The following FANCD2OS variants were observed in gnomAD, a reference collection of about 807,000 sequenced individuals.
The protein encoded by FANCD2OS is FANCD2 opposite strand protein.
A neutral mutation model predicts 13.2 loss-of-function variants in FANCD2OS; 11 were observed. That is an observed-to-expected ratio of 0.83 (90% CI 0.52 to 1.38). FANCD2OS has a LOEUF of 1.38. Among genes scored for constraint, FANCD2OS ranks in the 40% most tolerant of loss-of-function variants. The pLI is 0.00. For synonymous variants in FANCD2OS, 69 were observed against 84.5 expected (o/e 0.82, Z 1.01); for missense variants, 217 against 213.9 (o/e 1.01, Z -0.09).
Position 10,104,621 on chromosome 3 carries a change from A to C in FANCD2OS, c.154T>G (p.Phe52Val). The C allele has an allele frequency of 6.2e-7, 1 of 1,614,182 alleles. No homozygotes were observed. Among genetic ancestry groups the C allele is most frequent in the Non-Finnish European group, 8.5e-7 (1 of 1,180,032 alleles). Residue 52 changes from phenylalanine to valine, a missense_variant, in exon 2 of 2, where the codon TTT becomes GTT. Physicochemically the swap from Phe to Val is conservative, Grantham distance 50. Transcript: ENST00000450660. ...TCTAGGACTAGAGTGACCTCTTGAA[A>C]GCACAGCTGCACTTCAAGGTCGGAC... is the stretch of plus-strand genomic sequence containing the variant. ...TPSDLEVQLCFQEVTLVLDSP... is the reference protein window; with the variant it reads ...TPSDLEVQLCVQEVTLVLDSP...
At chr3:10,099,996 G>C (rs1296870310), downstream of FANCD2OS, among the ~76,000 whole-genome samples, 2 of 152,010 alleles carry the variant, frequency 1.3e-5, no homozygotes, top group African/African-American at 4.8e-5. Context: ...AGAATTTCAA[G>C]ACCAACCCGA....
At chr3:10,085,945 A>T in intron 2 of FANCD2OS, 1 of 1,507,854 alleles carries the variant, frequency 6.6e-7, no homozygotes, top group South Asian at 1.1e-5. Flanking sequence ...TACATAGCCA[A>T]GATTGTTGTC....
intron 2 of FANCD2OS, chr3:10,090,437 T>C (rs776029741): frequency 1.5e-5 from 14 of 941,220 alleles, no homozygotes; most frequent in Non-Finnish European, 2.2e-5. Flanking sequence ...TACTTGGAAG[T>C]TGCTGATTTT....
downstream of FANCD2OS, chr3:10,101,135 G>A: frequency 4.4e-6 from 6 of 1,353,266 alleles, no homozygotes; most frequent in Middle Eastern, 1.8e-4. Context: ...TATTCCAGAG[G>A]TCACCCAGAG....
At position 10,081,366 on chromosome 3, in the gene FANCD2OS, C is replaced by T. The variant is rs552885346; in HGVS notation, c.*209G>A. ...TTTAGTGTTTAGCTGCTGAGAATCACGGTGTAGTTGATGGACCAGGAGTGA... is the reference window on the plus strand; with the variant it reads ...TTTAGTGTTTAGCTGCTGAGAATCATGGTGTAGTTGATGGACCAGGAGTGA... On this transcript the variant is annotated 3_prime_UTR_variant, in exon 3 of 3. Transcript: ENST00000524279. 2.0e-5 allele frequency: 32 copies of T among 1,613,714 alleles called. No individual in the cohort carries two copies. The East Asian group carries it at 2.0e-4, about 10-fold the overall frequency.
Position 10,105,766 on chromosome 3 carries a change from AAAAAATTAT to A in FANCD2OS, c.-8-993_-8-985del, listed in dbSNP as rs1389954246. Among the ~76,000 whole-genome samples the A allele has an allele frequency of 1.4e-3, 85 of 58,690 alleles. 7 individuals are homozygous for A. Among genetic ancestry groups the A allele is most frequent in the African/African-American group, 9.7e-3 (79 of 8,180 alleles). The allele number at this position is 58,690 out of a possible 152,430, so 38.5% of individuals were successfully genotyped here. On this transcript the variant is annotated intron_variant, in intron 1 of 1. Transcript: ENST00000450660. ...ACTCCATCTAAAAAAAAAAAAAAAAAAAAAATTATATATATATATATATATATATATATA... is the reference window on the plus strand; with the variant it reads ...ACTCCATCTAAAAAAAAAAAAAAAAAATATATATATATATATATATATATA...
intron 2 of FANCD2OS, chr3:10,092,376 C>G: frequency 2.5e-6 from 2 of 799,570 alleles, no homozygotes; most frequent in Non-Finnish European, 4.4e-6. Context: ...CTCCCTGAGT[C>G]GTCTTCTTCC....
intron 2 of FANCD2OS, among the ~76,000 whole-genome samples, chr3:10,095,958 T>G (rs533281809): frequency 6.6e-6 from 1 of 150,546 alleles, no homozygotes; most frequent in South Asian, 2.1e-4. Flanking sequence ...CTCTGCTCAC[T>G]GCAAGTTCCG....
chr3:10,105,938 A>T (rs1227481809), intron 1 of FANCD2OS, among the ~76,000 whole-genome samples: 1 of 150,996 alleles, frequency 6.6e-6, no homozygotes. Context: ...TCCACGTGGG[A>T]CCCAGCAATC....
chr3:10,081,700 T>C (rs1461936301), intron 2 of FANCD2OS, among the ~76,000 whole-genome samples: 1 of 152,208 alleles, frequency 6.6e-6, no homozygotes, highest in African/African-American at 2.4e-5. Context: ...GCTGATGAGC[T>C]GATAACAGAT....
At chr3:10,107,537 C>G (rs1305746987) in intron 1 of FANCD2OS, among the ~76,000 whole-genome samples, 1 of 151,940 alleles carries the variant, frequency 6.6e-6, no homozygotes, top group Non-Finnish European at 1.5e-5. Context: ...CCGCCCGTCT[C>G]GGCCTCCCAA....
intron 2 of FANCD2OS, among the ~76,000 whole-genome samples, chr3:10,090,896 G>GGT (rs1438258043): frequency 6.6e-6 from 1 of 151,558 alleles, no homozygotes; most frequent in Non-Finnish European, 1.5e-5. Context: ...TCTAGTTAGA[G>GGT]GTGAGGAATG....
chr3:10,081,463 T>G, exon 3 of FANCD2OS: 2 of 1,601,346 alleles, frequency 1.2e-6, no homozygotes, highest in Non-Finnish European at 1.7e-6. Context: ...GCTTTTTGCT[T>G]GGTAAGTATG....
intron 2 of FANCD2OS, among the ~76,000 whole-genome samples, chr3:10,091,498 A>T (rs1292533160): frequency 6.6e-6 from 1 of 151,902 alleles, no homozygotes. Context: ...GAAAAAACAT[A>T]TACCGGCTGT....
chr3:10,085,443 G>A (rs1694129366), intron 2 of FANCD2OS, among the ~76,000 whole-genome samples: 2 of 148,288 alleles, frequency 1.3e-5, no homozygotes, highest in South Asian at 4.2e-4. Flanking sequence ...CCAGGCTGGA[G>A]TGCAGTGGCA....
At chr3:10,099,444 A>G, downstream of FANCD2OS, 1 of 549,296 alleles carries the variant, frequency 1.8e-6, no homozygotes, top group African/African-American at 2.0e-5. Context: ...ACAACATAAC[A>G]AGACCCTATC....
At chr3:10,099,047 G>T, downstream of FANCD2OS, 1 of 1,597,752 alleles carries the variant, frequency 6.3e-7, no homozygotes, top group South Asian at 1.1e-5. Context: ...ATTTGTTATA[G>T]AGTTGACAAT....
downstream of FANCD2OS, chr3:10,098,834 C>T: frequency 1.9e-6 from 3 of 1,614,162 alleles, no homozygotes; most frequent in Non-Finnish European, 2.5e-6. Flanking sequence ...ACAAAACCCA[C>T]CAGAGTCTGG....
chr3:10,102,816 C>G (rs1695355134), downstream of FANCD2OS: 1 of 165,848 alleles, frequency 6.0e-6, no homozygotes, highest in African/African-American at 2.6e-5. Flanking sequence ...GCACTCCAGC[C>G]TGGGCAACAG....
Sources: allele counts gnomAD v4.1 joint callset (sites outside exome capture counted in the v4.1 genomes callset), GRCh38; gene constraint gnomAD v4.1.1; transcripts MANE v1.5; gene names NCBI Gene and HGNC (gene_info 2026-07-23, HGNC 2026-07-21).